The following ARHGAP10 variants were observed in gnomAD, a reference collection of about 807,000 sequenced individuals.
ARHGAP10 encodes the protein Rho GTPase activating protein 10, also known as rho GTPase-activating protein 10.
ARHGAP10 carries 87 observed loss-of-function variants against 108.6 expected under a neutral mutation model. The ratio of observed to expected loss-of-function variants is 0.80; its 90% CI spans 0.67 to 0.96. The LOEUF (loss-of-function observed/expected upper bound fraction) is 0.96. ARHGAP10 is among the 40% of genes least tolerant of loss of function. The pLI is 0.00. For synonymous variants in ARHGAP10, 347 were observed against 341.1 expected (o/e 1.02, Z -0.19); for missense variants, 939 against 954.5 (o/e 0.98, Z 0.21).
intron 18 of ARHGAP10, among the ~76,000 whole-genome samples, chr4:147,991,774 A>G (rs964949255): frequency 3.3e-5 from 5 of 152,222 alleles, no homozygotes; most frequent in African/African-American, 1.2e-4. Flanking sequence ...TTCTAAGGAT[A>G]GTAGGCTCAG....
intron 12 of ARHGAP10, among the ~76,000 whole-genome samples, chr4:147,910,969 C>G (rs1304704649): frequency 2.6e-5 from 4 of 152,024 alleles, no homozygotes; most frequent in Admixed American, 6.6e-5. Context: ...CTCCTTTGTT[C>G]TTTTCTTCTT....
chr4:147,898,016 G>T (rs1736070011), intron 10 of ARHGAP10, among the ~76,000 whole-genome samples: 1 of 151,782 alleles, frequency 6.6e-6, no homozygotes, highest in Non-Finnish European at 1.5e-5. Context: ...ACCACGCCTG[G>T]CTAATTTTTT....
intron 15 of ARHGAP10, among the ~76,000 whole-genome samples, chr4:147,950,258 C>CT (rs1018185711): frequency 5.9e-5 from 9 of 151,858 alleles, no homozygotes; most frequent in Admixed American, 2.0e-4. Flanking sequence ...TTAATTGACC[C>CT]TTTTTTTTCT....
chr4:147,925,048 G>T (rs1162398908), intron 13 of ARHGAP10, among the ~76,000 whole-genome samples: 1 of 151,772 alleles, frequency 6.6e-6, no homozygotes, highest in African/African-American at 2.4e-5. Flanking sequence ...ATTTTATATG[G>T]CTCTTAGAAC....
intron 13 of ARHGAP10, among the ~76,000 whole-genome samples, chr4:147,921,817 T>C (rs1013011651): frequency 6.6e-6 from 1 of 152,154 alleles, no homozygotes; most frequent in Non-Finnish European, 1.5e-5. Context: ...GCCCCTGTAG[T>C]CGTTTATTCC....
At chr4:147,765,347 G>GC (rs1161623778) in intron 1 of ARHGAP10, among the ~76,000 whole-genome samples, 1 of 143,602 alleles carries the variant, frequency 7.0e-6, no homozygotes, top group South Asian at 2.3e-4. Context: ...TGGGGGGGGG[G>GC]GTGTGAGTGT....
intron 5 of ARHGAP10, 64 bp downstream of exon 5, chr4:147,857,718 A>G: frequency 7.8e-7 from 1 of 1,280,420 alleles, no homozygotes; most frequent in South Asian, 1.9e-5. Context: ...TCTTTTAAAA[A>G]TGTGCTTTAA....
intron 21 of ARHGAP10, 25 bp downstream of exon 21, chr4:148,063,325 G>C: frequency 6.2e-7 from 1 of 1,613,760 alleles, no homozygotes; most frequent in Admixed American, 1.7e-5. Context: ...GTGGAATGTG[G>C]AATATGGTGG....
At chr4:147,882,952 A>G (rs940214925) in intron 10 of ARHGAP10, among the ~76,000 whole-genome samples, 1 of 152,220 alleles carries the variant, frequency 6.6e-6, no homozygotes, top group African/African-American at 2.4e-5. Context: ...CTATGTTTGT[A>G]TAATAAAAGC....
chr4:147,841,868 A>G (rs75218969), intron 3 of ARHGAP10, among the ~76,000 whole-genome samples: 2,570 of 152,278 alleles, frequency 0.017, 61 homozygotes, highest in African/African-American at 0.053. Flanking sequence ...CACAACTACT[A>G]CTATCCTTGT....
chr4:147,871,702 C>T (rs1200433493), intron 7 of ARHGAP10, among the ~76,000 whole-genome samples: 2 of 152,108 alleles, frequency 1.3e-5, no homozygotes, highest in African/African-American at 4.8e-5. Context: ...TTAGAAGATG[C>T]CTTCATATGT....
At chr4:147,994,665 T>C (rs956278825) in intron 18 of ARHGAP10, among the ~76,000 whole-genome samples, 3 of 152,252 alleles carry the variant, frequency 2.0e-5, no homozygotes, top group Non-Finnish European at 4.4e-5. Context: ...TCAACATTGC[T>C]TTATTCGTAG....
intron 18 of ARHGAP10, among the ~76,000 whole-genome samples, chr4:147,987,747 G>A (rs1024192207): frequency 1.5e-4 from 23 of 152,210 alleles, no homozygotes; most frequent in African/African-American, 4.8e-4. Flanking sequence ...GCTGGGTCAG[G>A]TGTAGGCAGA....
intron 20 of ARHGAP10, 52 bp downstream of exon 20, chr4:148,047,103 T>A: frequency 6.3e-7 from 1 of 1,597,044 alleles, no homozygotes; most frequent in Non-Finnish European, 8.5e-7. Context: ...CCTGACTTTG[T>A]TCATTTTAAA....
At chr4:147,893,376 T>C (rs1468210025) in intron 10 of ARHGAP10, among the ~76,000 whole-genome samples, 1 of 150,868 alleles carries the variant, frequency 6.6e-6, no homozygotes, top group Non-Finnish European at 1.5e-5. Flanking sequence ...ACTTTTTAAA[T>C]GTAAATTTTT....
intron 20 of ARHGAP10, among the ~76,000 whole-genome samples, chr4:148,050,391 T>TA (rs1205792597): frequency 1.8e-5 from 2 of 113,322 alleles, no homozygotes; most frequent in South Asian, 3.1e-4. Context: ...TTTTTTTTTT[T>TA]AAGATGTAGT....
At chr4:147,938,528 T>C (rs547196247) in intron 13 of ARHGAP10, among the ~76,000 whole-genome samples, 2 of 152,132 alleles carry the variant, frequency 1.3e-5, no homozygotes, top group East Asian at 3.9e-4. Context: ...CAGCATAACA[T>C]AGGGTATAGG....
chr4:147,737,275 C>T (rs909821257), intron 1 of ARHGAP10, among the ~76,000 whole-genome samples: 1 of 151,902 alleles, frequency 6.6e-6, no homozygotes, highest in African/African-American at 2.4e-5. Context: ...CTTAGCCTCC[C>T]AAGTAGCTGG....
intron 3 of ARHGAP10, among the ~76,000 whole-genome samples, chr4:147,825,083 A>G (rs1424619717): frequency 6.6e-6 from 1 of 151,996 alleles, no homozygotes; most frequent in Admixed American, 6.6e-5. Flanking sequence ...GTGTCACTCT[A>G]ATTTCCTGGG....
Sources: gnomAD v4.1 joint callset for allele counts (sites outside exome capture counted in the v4.1 genomes callset) on GRCh38, gnomAD v4.1.1 for gene constraint, MANE v1.5 for transcripts, NCBI Gene and HGNC (gene_info 2026-07-23, HGNC 2026-07-21) for gene names.